PRKAR1B: variants seen among roughly 807,000 people sequenced by gnomAD.
The protein encoded by PRKAR1B is protein kinase cAMP-dependent type I regulatory subunit beta.
Under a neutral mutation model 46.5 loss-of-function variants are expected in PRKAR1B, and 22 were observed. That is an observed-to-expected ratio of 0.47 (90% confidence interval 0.34 to 0.68). The LOEUF is 0.68. PRKAR1B is among the 30% of genes least tolerant of loss of function. The pLI is 0.01. For synonymous variants in PRKAR1B, 259 were observed against 217.7 expected (o/e 1.19, Z -1.67); for missense variants, 445 against 535.6 (o/e 0.83, Z 1.67).
intron 2 of PRKAR1B, among the ~76,000 whole-genome samples, chr7:695,974 T>C (rs1779716379): frequency 6.8e-6 from 1 of 148,018 alleles, no homozygotes; most frequent in Non-Finnish European, 1.5e-5. Flanking sequence ...CTTTTTTTTT[T>C]TTTTTTTTTT....
chr7:728,525 C>T (rs1264818743), upstream of PRKAR1B, among the ~76,000 whole-genome samples: 1 of 152,234 alleles, frequency 6.6e-6, no homozygotes. Flanking sequence ...TTGGATTTCA[C>T]ATGGTCCAGA....
intron 4 of PRKAR1B, among the ~76,000 whole-genome samples, chr7:641,445 ACCCAGATGACGCCG>A (rs1784383522): frequency 6.6e-6 from 1 of 152,184 alleles, no homozygotes; most frequent in Admixed American, 6.5e-5. Flanking sequence ...ACAGCAAACA[ACCCAGATGACGCCG>A]TATTGTTCAT....
intron 4 of PRKAR1B, among the ~76,000 whole-genome samples, chr7:652,233 CA>C (rs1359802785): frequency 1.4e-5 from 2 of 146,652 alleles, no homozygotes; most frequent in Non-Finnish European, 1.5e-5. Flanking sequence ...TCTCGGAACA[CA>C]GTTCACACCC....
At chr7:680,747 CAGAA>C in intron 2 of PRKAR1B, 21 bp from the exon 3 acceptor site, 1 of 1,613,488 alleles carries the variant, frequency 6.2e-7, no homozygotes, top group Non-Finnish European at 8.5e-7. Context: ...GAGGAAAACA[CAGAA>C]AGGAAGTAAG....
chr7:571,052 T>G (rs969646360), intron 9 of PRKAR1B, among the ~76,000 whole-genome samples: 4 of 152,088 alleles, frequency 2.6e-5, no homozygotes, highest in African/African-American at 9.7e-5. Context: ...CTGGGAAACA[T>G]GTATGGCTTA....
chr7:559,149 C>T (rs374553486), intron 9 of PRKAR1B, among the ~76,000 whole-genome samples: 2 of 152,348 alleles, frequency 1.3e-5, no homozygotes, highest in East Asian at 1.9e-4. Context: ...CATCCCTGCC[C>T]GGACCAGGAC....
chr7:636,423 C>T (rs1562579388), intron 4 of PRKAR1B, among the ~76,000 whole-genome samples: 1 of 85,320 alleles, frequency 1.2e-5, no homozygotes, highest in Admixed American at 1.3e-4. Context: ...CGCGCCCACA[C>T]GTCCTCCACC....
chr7:652,773 T>A (rs978965967), intron 4 of PRKAR1B, among the ~76,000 whole-genome samples: 4 of 152,250 alleles, frequency 2.6e-5, no homozygotes, highest in Non-Finnish European at 5.9e-5. Flanking sequence ...TAAGGATTTC[T>A]TGGCTCCAAT....
chr7:689,906 C>T (rs1471430255), intron 2 of PRKAR1B, among the ~76,000 whole-genome samples: 1 of 151,770 alleles, frequency 6.6e-6, no homozygotes, highest in Non-Finnish European at 1.5e-5. Flanking sequence ...TGGTCTCAAT[C>T]TCCTGACCTC....
chr7:727,057 G>A, intron 1 of PRKAR1B, 153 bp downstream of exon 1: 3 of 1,072,006 alleles, frequency 2.8e-6, no homozygotes, highest in Non-Finnish European at 2.3e-6. Context: ...GCCCCGCGAT[G>A]CCCTGCCGCG....
At position 593,992 on chromosome 7, in the gene PRKAR1B, G is replaced by A. The variant is rs150863122; in HGVS notation, c.708+2154C>T. The stretch of plus-strand genomic sequence containing the variant: ...GACAGGCCAGCGCCAGCAGGACACC[G>A]TCTCTCAGCTGGCCCATGGCCATCA... On this transcript the variant is annotated intron_variant, in intron 7 of 10. Transcript: ENST00000537384. This position sits in a 1 kb window ranked among gnomAD's most constrained non-coding sequence, Gnocchi z 6.1. Among the ~76,000 whole-genome samples, 5,866 of 152,224 alleles carry A rather than the reference G, an allele frequency of 0.039. 361 individuals are homozygous for A. Among genetic ancestry groups the A allele is most frequent in the African/African-American group, 0.13 (5,504 of 41,522 alleles).
At chr7:648,487 C>T (rs574582423) in intron 4 of PRKAR1B, among the ~76,000 whole-genome samples, 3 of 152,048 alleles carry the variant, frequency 2.0e-5, no homozygotes, top group East Asian at 2.0e-4. Flanking sequence ...GGTGCGTGCC[C>T]GTAATCCCAG....
intron 2 of PRKAR1B, among the ~76,000 whole-genome samples, chr7:692,014 C>T (rs190557890): frequency 2.0e-5 from 3 of 152,354 alleles, no homozygotes; most frequent in African/African-American, 4.8e-5. Flanking sequence ...TCCTTCTAAT[C>T]GACCTCAGGT....
chr7:675,928 AG>A (rs1786555242), intron 4 of PRKAR1B, among the ~76,000 whole-genome samples: 1 of 152,210 alleles, frequency 6.6e-6, no homozygotes, highest in Non-Finnish European at 1.5e-5. Context: ...CCTGGGCAAC[AG>A]AGCAAGACTC....
chr7:651,739 G>A (rs796664531), intron 4 of PRKAR1B, among the ~76,000 whole-genome samples: 57 of 80,928 alleles, frequency 7.0e-4, no homozygotes, highest in Admixed American at 1.0e-3. Context: ...ACACCCACAC[G>A]GAGCTAGGAA....
intron 2 of PRKAR1B, among the ~76,000 whole-genome samples, chr7:685,243 T>C (rs1327439990): frequency 7.4e-6 from 1 of 134,730 alleles, no homozygotes; most frequent in Non-Finnish European, 1.6e-5. Context: ...CACACACATA[T>C]AACACGTTTT....
At chr7:598,394 ACCCT>A (rs771171982) in intron 6 of PRKAR1B, among the ~76,000 whole-genome samples, 4 of 88,696 alleles carry the variant, frequency 4.5e-5, no homozygotes, top group African/African-American at 1.0e-4. Flanking sequence ...AAACACCATC[ACCCT>A]CCCTCCAGCA....
At chr7:727,303 C>G, upstream of PRKAR1B, 6 of 1,291,738 alleles carry the variant, frequency 4.6e-6, no homozygotes, top group Non-Finnish European at 5.9e-6. Context: ...CGCCCTGGCG[C>G]AGGCCACGCC....
intron 4 of PRKAR1B, among the ~76,000 whole-genome samples, chr7:611,270 T>A (rs1782467644): frequency 6.6e-6 from 1 of 152,158 alleles, no homozygotes; most frequent in East Asian, 1.9e-4. Context: ...CCCCTCCCTC[T>A]CTCTGTCTCT....
Sources: gnomAD v4.1 joint callset for allele counts (sites outside exome capture counted in the v4.1 genomes callset) on GRCh38, gnomAD v4.1.1 for gene constraint, Gnocchi (gnomAD v3.1) non-coding constraint, MANE v1.5 for transcripts, NCBI Gene and HGNC (gene_info 2026-07-23, HGNC 2026-07-21) for gene names.